RBM33: variants seen among roughly 807,000 people sequenced by gnomAD.
RBM33 encodes RNA-binding protein 33.
Under a neutral mutation model 132.6 loss-of-function variants are expected in RBM33, and 28 were observed. The observed-to-expected ratio is 0.21, with a 90% CI of 0.16 to 0.29. The LOEUF (loss-of-function observed/expected upper bound fraction) is 0.29. RBM33 is among the 10% of genes least tolerant of loss of function. The pLI is 1.00. For missense variants in RBM33, 1,291 were observed against 1,518.5 expected (o/e 0.85, Z 2.49); for synonymous variants, 634 against 593.0 (o/e 1.07, Z -1.01).
chr7:155,756,581 C>T (rs900055983), intron 14 of RBM33, among the ~76,000 whole-genome samples: 1 of 152,114 alleles, frequency 6.6e-6, no homozygotes, highest in Admixed American at 6.5e-5. Flanking sequence ...TAGCGCGTTG[C>T]AGTTCACTCC....
chr7:155,710,217 C>T (rs1172888565), intron 7 of RBM33, among the ~76,000 whole-genome samples: 1 of 152,212 alleles, frequency 6.6e-6, no homozygotes, highest in Admixed American at 6.5e-5. Flanking sequence ...TGGTCTACTG[C>T]TAATTAGCTG....
intron 13 of RBM33, 123 bp downstream of exon 13, chr7:155,742,229 CTT>C (rs35396377): frequency 0.02 from 13,306 of 673,736 alleles, no homozygotes; most frequent in South Asian, 0.032. Context: ...TCACCTGGGT[CTT>C]TTTTTTTTTT....
chr7:155,644,941 T>G (rs1414874759), intron 1 of RBM33, 22 bp downstream of exon 1: 1 of 1,489,800 alleles, frequency 6.7e-7, no homozygotes, highest in Non-Finnish European at 8.9e-7. Flanking sequence ...AGCCGGACTC[T>G]GGGGGCCAGG....
chr7:155,758,606 A>G (rs11769364), intron 14 of RBM33, among the ~76,000 whole-genome samples: 9,842 of 152,212 alleles, frequency 0.065, 483 homozygotes, highest in African/African-American at 0.14. Flanking sequence ...ACAGACTGGT[A>G]GTGAGGGTTG....
chr7:155,722,745 A>G (rs1563160862), intron 9 of RBM33, among the ~76,000 whole-genome samples: 1 of 152,162 alleles, frequency 6.6e-6, no homozygotes, highest in Non-Finnish European at 1.5e-5. Context: ...GCTGTTTTTA[A>G]GCTTGTGAAA....
intron 3 of RBM33, among the ~76,000 whole-genome samples, chr7:155,673,757 C>T (rs543372062): frequency 0.023 from 2,073 of 90,648 alleles, 161 homozygotes; most frequent in African/African-American, 0.079. Context: ...TGTATATACG[C>T]GCGCATGCGC....
At chr7:155,662,882 T>G (rs1299362969) in intron 1 of RBM33, among the ~76,000 whole-genome samples, 1 of 152,140 alleles carries the variant, frequency 6.6e-6, no homozygotes, top group African/African-American at 2.4e-5. Context: ...GCGTCCTGTG[T>G]TCTTGGCTGC....
At chr7:155,672,827 T>C (rs1462423812) in intron 2 of RBM33, 40 bp from the exon 3 acceptor site, 2 of 1,462,874 alleles carry the variant, frequency 1.4e-6, no homozygotes, top group Non-Finnish European at 1.9e-6. Flanking sequence ...GCAAGTCTTA[T>C]GGGAATAATC....
intron 2 of RBM33, among the ~76,000 whole-genome samples, chr7:155,671,594 A>C (rs1008969151): frequency 5.9e-5 from 9 of 152,228 alleles, no homozygotes; most frequent in South Asian, 2.1e-4. Flanking sequence ...GGCATGCTAA[A>C]AATAAACATG....
chr7:155,724,033 T>C (rs930138397), intron 9 of RBM33, among the ~76,000 whole-genome samples: 1 of 152,222 alleles, frequency 6.6e-6, no homozygotes, highest in African/African-American at 2.4e-5. Context: ...AACTGAATAA[T>C]TTAGCCTGTG....
chr7:155,661,010 T>G (rs776479594), intron 1 of RBM33, among the ~76,000 whole-genome samples: 3 of 152,058 alleles, frequency 2.0e-5, no homozygotes, highest in Non-Finnish European at 2.9e-5. Flanking sequence ...CATCTACTAC[T>G]GAGCCCCTCT....
intron 13 of RBM33, among the ~76,000 whole-genome samples, chr7:155,743,890 C>T (rs1207702353): frequency 6.6e-6 from 1 of 152,184 alleles, no homozygotes; most frequent in Non-Finnish European, 1.5e-5. Flanking sequence ...TGCCCACTAT[C>T]CCCCTGGACG....
intron 14 of RBM33, among the ~76,000 whole-genome samples, chr7:155,753,596 T>A (rs566763421): frequency 9.9e-4 from 151 of 152,216 alleles, no homozygotes; most frequent in African/African-American, 3.6e-3. Flanking sequence ...GACTCAGAAG[T>A]AGGGTTCCCA....
chr7:155,734,347 G>A (rs1416529896), intron 9 of RBM33, among the ~76,000 whole-genome samples: 1 of 152,178 alleles, frequency 6.6e-6, no homozygotes, highest in Non-Finnish European at 1.5e-5. Context: ...AGGTGGTTGG[G>A]CAAACCATCA....
intron 9 of RBM33, among the ~76,000 whole-genome samples, chr7:155,720,766 A>G (rs1585485402): frequency 6.6e-6 from 1 of 152,178 alleles, no homozygotes; most frequent in Non-Finnish European, 1.5e-5. Flanking sequence ...TGGTGGCTGG[A>G]GGTGCTGCAG....
intron 16 of RBM33, among the ~76,000 whole-genome samples, chr7:155,771,099 G>A (rs1450677135): frequency 6.6e-6 from 1 of 152,204 alleles, no homozygotes; most frequent in African/African-American, 2.4e-5. Context: ...GGGGCTGGGG[G>A]TGAAGAAGGA....
intron 3 of RBM33, among the ~76,000 whole-genome samples, chr7:155,673,596 A>G (rs1563137576): frequency 2.3e-4 from 22 of 94,820 alleles, no homozygotes; most frequent in East Asian, 5.2e-4. Context: ...ATATATATAC[A>G]CACATATACA....
In RBM33 at chr7:155,661,926, C is replaced by G. The variant is rs1667108438; in HGVS notation, c.44-3249C>G. ...ATATATCTTCTTGTTTCTTCCATAT[C>G]TTGTAATTTTTTGTTGAAGTCTGGA... On this transcript the variant is annotated intron_variant, in intron 1 of 17. Coordinates refer to ENST00000401878, the MANE Select transcript of RBM33 (RefSeq NM_053043.3). Among the ~76,000 whole-genome samples the G allele has an allele frequency of 2.0e-5, 3 of 152,030 alleles. No individual in the cohort carries two copies. In the South Asian group the frequency reaches 6.2e-4, roughly 32 times the overall value.
At chr7:155,728,342 CATA>C (rs1414178845) in intron 9 of RBM33, among the ~76,000 whole-genome samples, 3 of 152,122 alleles carry the variant, frequency 2.0e-5, no homozygotes, top group Non-Finnish European at 2.9e-5. Flanking sequence ...CACTCGATGA[CATA>C]ATGTTACCTC....
Sources: allele counts gnomAD v4.1 joint callset (sites outside exome capture counted in the v4.1 genomes callset), GRCh38; gene constraint gnomAD v4.1.1; transcripts MANE v1.5; gene names NCBI Gene and HGNC (gene_info 2026-07-23, HGNC 2026-07-21).